The following SLC35F1 variants were observed in gnomAD, a reference collection of about 807,000 sequenced individuals.
The protein encoded by SLC35F1 is chromosome 6 open reading frame 169.
A neutral mutation model predicts 48.7 loss-of-function variants in SLC35F1; 14 were observed. The observed-to-expected ratio is 0.29, with a 90% CI of 0.19 to 0.45. The LOEUF (loss-of-function observed/expected upper bound fraction) is 0.45. SLC35F1 is among the 20% of genes least tolerant of loss of function. The pLI, the probability that SLC35F1 is intolerant of heterozygous loss-of-function variation, is 1.00. For synonymous variants in SLC35F1, 190 were observed against 202.2 expected (o/e 0.94, Z 0.51); for missense variants, 404 against 500.0 (o/e 0.81, Z 1.83).
At chr6:118,043,110 A>G (rs1007632931) in intron 1 of SLC35F1, among the ~76,000 whole-genome samples, 2 of 152,220 alleles carry the variant, frequency 1.3e-5, no homozygotes, top group Admixed American at 6.5e-5. Flanking sequence ...ACTGTTCGCC[A>G]TAAGAAAACA....
intron 3 of SLC35F1, among the ~76,000 whole-genome samples, chr6:118,237,338 C>T (rs1051547254): frequency 2.0e-5 from 3 of 152,016 alleles, no homozygotes; most frequent in Admixed American, 2.0e-4. Context: ...CACACACACA[C>T]ACACACACAC....
At chr6:118,126,356 C>A (rs1177276878) in intron 1 of SLC35F1, among the ~76,000 whole-genome samples, 1 of 152,150 alleles carries the variant, frequency 6.6e-6, no homozygotes, top group Non-Finnish European at 1.5e-5. Flanking sequence ...GTTTTGGTAC[C>A]AGTACCATGC....
At chr6:118,266,853 A>T in intron 3 of SLC35F1, 142 bp from the exon 4 acceptor site, 1 of 778,250 alleles carries the variant, frequency 1.3e-6, no homozygotes, top group Non-Finnish European at 2.1e-6. Context: ...TGTTTTAAGT[A>T]CATCAAGTCT....
intron 3 of SLC35F1, among the ~76,000 whole-genome samples, chr6:118,247,875 C>G (rs1291114214): frequency 1.4e-5 from 2 of 147,614 alleles, no homozygotes; most frequent in African/African-American, 5.4e-5. Flanking sequence ...CCTTCAGAAC[C>G]AGTTTTAAGT....
chr6:118,169,426 C>G (rs745874531), intron 2 of SLC35F1, among the ~76,000 whole-genome samples: 1 of 152,070 alleles, frequency 6.6e-6, no homozygotes, highest in African/African-American at 2.4e-5. Flanking sequence ...CTTAAAGAAC[C>G]CACATTATCT....
intron 3 of SLC35F1, among the ~76,000 whole-genome samples, chr6:118,242,616 G>A (rs1232417023): frequency 2.0e-5 from 3 of 152,216 alleles, no homozygotes; most frequent in East Asian, 3.8e-4. Flanking sequence ...GATTAGCAAT[G>A]ACATTTGGAC....
At chr6:118,073,258 G>A (rs187213945) in intron 1 of SLC35F1, among the ~76,000 whole-genome samples, 50 of 152,258 alleles carry the variant, frequency 3.3e-4, no homozygotes, top group Admixed American at 2.5e-3. Flanking sequence ...AAATATAGCC[G>A]AATGGTTAAG....
At chr6:118,157,555 G>A (rs1279267313) in intron 2 of SLC35F1, among the ~76,000 whole-genome samples, 1 of 152,176 alleles carries the variant, frequency 6.6e-6, no homozygotes, top group Non-Finnish European at 1.5e-5. Flanking sequence ...TTCAAAAGTA[G>A]GGAAGCCAAC....
intron 1 of SLC35F1, among the ~76,000 whole-genome samples, chr6:118,117,804 A>G (rs986457239): frequency 6.6e-6 from 1 of 152,158 alleles, no homozygotes; most frequent in African/African-American, 2.4e-5. Flanking sequence ...GACCTTTTCT[A>G]GAATGTTATA....
At chr6:118,096,434 G>T (rs1053930972) in intron 1 of SLC35F1, among the ~76,000 whole-genome samples, 1 of 152,136 alleles carries the variant, frequency 6.6e-6, no homozygotes, top group East Asian at 1.9e-4. Flanking sequence ...TCAAATCTTT[G>T]TTGGGAACAG....
At chr6:118,221,765 C>T (rs944693833) in intron 2 of SLC35F1, among the ~76,000 whole-genome samples, 2 of 152,314 alleles carry the variant, frequency 1.3e-5, no homozygotes, top group Admixed American at 1.3e-4. Context: ...TCCCTACCCT[C>T]ACCATTTCTC....
chr6:118,223,636 T>C (rs910252126), intron 2 of SLC35F1, among the ~76,000 whole-genome samples: 1 of 152,160 alleles, frequency 6.6e-6, no homozygotes, highest in African/African-American at 2.4e-5. Context: ...CCTTGGTGGG[T>C]CTGTGCTTGG....
At chr6:118,089,209 C>T (rs989788768) in intron 1 of SLC35F1, among the ~76,000 whole-genome samples, 2 of 152,018 alleles carry the variant, frequency 1.3e-5, no homozygotes, top group South Asian at 2.1e-4. Context: ...TACTAATATG[C>T]GGAAGACTCA....
chr6:118,304,761 A>G (rs539990279), intron 7 of SLC35F1, among the ~76,000 whole-genome samples: 12 of 152,034 alleles, frequency 7.9e-5, no homozygotes, highest in African/African-American at 2.9e-4. Flanking sequence ...TTCATATAGC[A>G]GGTGCTATTA....
intron 2 of SLC35F1, among the ~76,000 whole-genome samples, chr6:118,198,947 C>A (rs1380797357): frequency 1.3e-5 from 2 of 152,196 alleles, no homozygotes; most frequent in Non-Finnish European, 2.9e-5. Flanking sequence ...TTATGACTCA[C>A]AGACAGCAAG....
chr6:118,109,263 G>T (rs1306623078), intron 1 of SLC35F1, among the ~76,000 whole-genome samples: 1 of 152,180 alleles, frequency 6.6e-6, no homozygotes, highest in Admixed American at 6.6e-5. Context: ...AAAAATGTAG[G>T]TGTCTAAAGG....
chr6:117,987,726 G>T (rs1230232981), intron 1 of SLC35F1, among the ~76,000 whole-genome samples: 2 of 152,310 alleles, frequency 1.3e-5, no homozygotes, highest in Non-Finnish European at 2.9e-5. Flanking sequence ...TTGCTCTGCA[G>T]ATATAAGCTG....
At chr6:118,240,050 A>T (rs1251891993) in intron 3 of SLC35F1, among the ~76,000 whole-genome samples, 1 of 152,238 alleles carries the variant, frequency 6.6e-6, no homozygotes, top group South Asian at 2.1e-4. Context: ...TTGAACACAT[A>T]GTATGTGTTT....
intron 2 of SLC35F1, 63 bp downstream of exon 2, chr6:118,154,683 G>T: frequency 1.4e-6 from 2 of 1,470,224 alleles, no homozygotes; most frequent in South Asian, 1.4e-5. Context: ...GATGAGCCAT[G>T]ACCAGATAAC....
Sources: gnomAD v4.1 joint callset for allele counts (sites outside exome capture counted in the v4.1 genomes callset) on GRCh38, gnomAD v4.1.1 for gene constraint, MANE v1.5 for transcripts, NCBI Gene and HGNC (gene_info 2026-07-23, HGNC 2026-07-21) for gene names.